The following CACNA1H variants were observed in gnomAD, a reference collection of about 807,000 sequenced individuals.
The protein encoded by CACNA1H is voltage-dependent T-type calcium channel subunit alpha-1H.
CACNA1H carries 149 observed loss-of-function variants against 192.5 expected under a neutral mutation model. That is an observed-to-expected ratio of 0.77 (90% CI 0.68 to 0.89). CACNA1H has a LOEUF of 0.89. Among genes scored for constraint, CACNA1H ranks in the 40% least tolerant of loss-of-function variants. The pLI, the probability that CACNA1H is intolerant of heterozygous loss-of-function variation, is 0.00. For synonymous variants in CACNA1H, 2,202 were observed against 1,475.2 expected, an observed-to-expected ratio of 1.49 and a Z score of -11.29; for missense variants, 4,257 against 3,423.5, an observed-to-expected ratio of 1.24 and a Z score of -6.08.
intron 2 of CACNA1H, among the ~76,000 whole-genome samples, 193 bp downstream of exon 2, chr16:1,154,229 G>A (rs1961983635): frequency 6.6e-6 from 1 of 151,754 alleles, no homozygotes; most frequent in African/African-American, 2.4e-5. Context: ...GGCTTGGGGG[G>A]CCACCGGGCG....
intron 2 of CACNA1H, among the ~76,000 whole-genome samples, chr16:1,184,108 G>T (rs1232100899): frequency 6.6e-6 from 1 of 152,214 alleles, no homozygotes; most frequent in African/African-American, 2.4e-5. Context: ...ATTGCACAGG[G>T]TGTAGGCGGG....
rs370079169 is a variant in CACNA1H at position 1,213,792 on chromosome 16, G to A, written c.4790G>A (p.Arg1597Gln). 1.8e-4 allele frequency: 277 copies of A among 1,563,454 alleles called. No homozygotes were observed. Among genetic ancestry groups the A allele is most frequent in the African/African-American group, 1.1e-4 (8 of 73,772 alleles). Residue 1597 changes from arginine (R) to glutamine (Q), a missense_variant, in exon 27 of 35, where the codon CGG becomes CAG. Arg to Gln is a conservative substitution (Grantham distance 43). Transcript: ENST00000348261. ...GCCCTCCCCGCAGAGGCCCAGCGCCGGCCCTACTATGCCGACTACTCGCCC... is the reference window on the plus strand; with the variant it reads ...GCCCTCCCCGCAGAGGCCCAGCGCCAGCCCTACTATGCCGACTACTCGCCC... ...STFPSPEAQR[R>Q]PYYADYSPTR... is the part of the protein sequence containing the mutation.
intron 2 of CACNA1H, among the ~76,000 whole-genome samples, chr16:1,156,282 G>A (rs777627844): frequency 1.4e-4 from 22 of 152,252 alleles, no homozygotes; most frequent in Non-Finnish European, 2.4e-4. Flanking sequence ...TCTTGGCCCC[G>A]TGGAAACGCC....
Position 1,185,399 on chromosome 16 carries a change from C to T in CACNA1H, c.300-9573C>T, listed in dbSNP as rs550498532. Among the ~76,000 whole-genome samples the T allele has an allele frequency of 1.5e-3, 228 of 151,950 alleles. 2 individuals are homozygous for T. Among genetic ancestry groups the T allele is most frequent in the Admixed American group, 2.5e-3 (38 of 15,262 alleles). On this transcript the variant is annotated intron_variant, in intron 2 of 34. Coordinates refer to ENST00000348261, the MANE Select transcript of CACNA1H (RefSeq NM_021098.3). ...TTCATAGCCTCACCCACCGGTTATC[C>T]GGAGCTTAGACGTGCCCGGGTGGCA...
At chr16:1,200,145 C>A in intron 6 of CACNA1H, 111 bp from the exon 7 acceptor site, 1 of 880,324 alleles carries the variant, frequency 1.1e-6, no homozygotes. Context: ...CTGGCCCTGA[C>A]CCTGATCACG....
intron 30 of CACNA1H, 33 bp downstream of exon 30, chr16:1,215,626 C>T (rs1227091693): frequency 2.5e-6 from 4 of 1,581,496 alleles, no homozygotes; most frequent in Non-Finnish European, 3.4e-6. Context: ...TCAGCGCAGG[C>T]CCCCGGAAGA....
At chr16:1,163,313 A>C (rs1324387101) in intron 2 of CACNA1H, among the ~76,000 whole-genome samples, 1 of 152,178 alleles carries the variant, frequency 6.6e-6, no homozygotes, top group Non-Finnish European at 1.5e-5. Flanking sequence ...CAGTTGGAGC[A>C]GGGCCTGGGA....
Position 1,218,200 on chromosome 16 carries a change from C to G in CACNA1H, c.5446-10C>G, listed in dbSNP as rs1184041228. 6.5e-7 allele frequency: 1 copy of G among 1,546,300 alleles called. No individual in the cohort carries two copies. The highest frequency in any genetic ancestry group is 2.0e-5 in the Admixed American group (1 of 50,950). Reference sequence around the variant, plus strand: ...TGTGGACCCCGGCCCACAGCTGTCCCCCACCGCAGGACACGCTGCGCGAGT... The same window carrying G: ...TGTGGACCCCGGCCCACAGCTGTCCGCCACCGCAGGACACGCTGCGCGAGT... On this transcript the variant is annotated splice_polypyrimidine_tract_variant and intron_variant, in intron 32 of 34. Transcript: ENST00000348261.
chr16:1,174,042 C>A (rs1356844553), intron 2 of CACNA1H, among the ~76,000 whole-genome samples: 1 of 152,242 alleles, frequency 6.6e-6, no homozygotes, highest in Non-Finnish European at 1.5e-5. Flanking sequence ...TGGAAGTTGA[C>A]CTGTGCATAC....
At chr16:1,170,761 G>A (rs1332858940) in intron 2 of CACNA1H, among the ~76,000 whole-genome samples, 4 of 152,170 alleles carry the variant, frequency 2.6e-5, no homozygotes, top group Non-Finnish European at 4.4e-5. Flanking sequence ...GGAGGAAGAG[G>A]CCAGGAGACC....
intron 2 of CACNA1H, among the ~76,000 whole-genome samples, chr16:1,182,634 C>G (rs187600051): frequency 1.9e-3 from 287 of 152,294 alleles, no homozygotes; most frequent in African/African-American, 6.6e-3. Context: ...GAGGGGCTCC[C>G]ACATCGGGGG....
Position 1,215,583 on chromosome 16 carries a change from C to G in CACNA1H, c.5234C>G (p.Ala1745Gly). Residue 1745 changes from alanine to glycine, a missense_variant, in exon 30 of 35, where the codon GCT becomes GGT. Transcript: ENST00000348261. ...GCCCTGCTGGACACTGTGGTGCAAG[C>G]TCTCCCCCAGGTAGGTGGAGCCCGC... Reference protein sequence around the residue: ...MRALLDTVVQALPQVGNLGLL... With the variant: ...MRALLDTVVQGLPQVGNLGLL... 6.2e-7 allele frequency: 1 copy of G among 1,611,422 alleles called. No homozygotes were observed. The highest frequency in any genetic ancestry group is 1.1e-5 in the South Asian group (1 of 90,786).
At position 1,205,136 on chromosome 16, in the gene CACNA1H, T is replaced by G. The variant is rs1196659972; in HGVS notation, c.2474T>G (p.Leu825Arg). Residue 825 changes from leucine (L) to arginine (R), a missense_variant, in exon 11 of 35, where the codon CTG (leucine) becomes CGG (arginine). Coordinates refer to ENST00000348261, the MANE Select transcript of CACNA1H (RefSeq NM_021098.3). ...HEQPEELTNA[L>R]EISNIVFTSM... ...CAGCCCGAGGAGCTGACTAATGCTC[T>G]GGAGATCAGCAACATCGTGTTCACC... The G allele has an allele frequency of 1.2e-6, 2 of 1,612,462 alleles. No individual in the cohort carries two copies. The highest frequency in any genetic ancestry group is 1.7e-6 in the Non-Finnish European group (2 of 1,179,764).
rs762527626 is a variant in CACNA1H at position 1,220,126 on chromosome 16, C to A, written c.6194C>A (p.Ala2065Asp). The A allele has an allele frequency of 1.3e-6, 2 of 1,494,184 alleles. No individual in the cohort carries two copies. The highest frequency in any genetic ancestry group is 1.8e-6 in the Non-Finnish European group (2 of 1,123,616). The allele number at this position is 1,494,184 out of a possible 1,614,324, so 92.6% of individuals were successfully genotyped here. A position where few individuals can be genotyped will look rare whatever the true frequency, so the allele number is the denominator to read the frequency against. ...LQSPPRSPRP[A>D]SVRTRKHTFG... Reference sequence around the variant, plus strand: ...TCCCCACCACGCTCCCCACGGCCCGCCAGCGTCCGCACTCGTAAGCATACC... The same window carrying A: ...TCCCCACCACGCTCCCCACGGCCCGACAGCGTCCGCACTCGTAAGCATACC... The change falls in exon 35 of 35, where the codon GCC (alanine) becomes GAC (aspartate). Residue 2065 changes from alanine to aspartate, a missense_variant. By Grantham distance (126) the Ala-to-Asp change is moderately radical. Coordinates refer to ENST00000348261, the MANE Select transcript of CACNA1H (RefSeq NM_021098.3).
intron 6 of CACNA1H, 161 bp downstream of exon 6, chr16:1,198,935 TCC>T (rs1967345518): frequency 9.5e-6 from 6 of 632,802 alleles, no homozygotes; most frequent in Non-Finnish European, 1.3e-5. Flanking sequence ...CCATGCTGTC[TCC>T]CGCCCCCACC....
chr16:1,160,835 C>T (rs891038573), intron 2 of CACNA1H, among the ~76,000 whole-genome samples: 10 of 152,208 alleles, frequency 6.6e-5, no homozygotes, highest in African/African-American at 1.9e-4. Flanking sequence ...CCGCCGCCTG[C>T]GTTTGGAGGC....
At chr16:1,169,350 C>T (rs554601709) in intron 2 of CACNA1H, among the ~76,000 whole-genome samples, 31 of 152,336 alleles carry the variant, frequency 2.0e-4, no homozygotes, top group African/African-American at 7.0e-4. Context: ...GCAGAACCCC[C>T]GACCTGCCCT....
At chr16:1,192,492 G>A (rs1313272497) in intron 2 of CACNA1H, among the ~76,000 whole-genome samples, 1 of 152,212 alleles carries the variant, frequency 6.6e-6, no homozygotes, top group African/African-American at 2.4e-5. Flanking sequence ...GTCCCCATTG[G>A]GCCCTCCGCC....
At chr16:1,178,679 A>G (rs753045831) in intron 2 of CACNA1H, among the ~76,000 whole-genome samples, 56 of 152,074 alleles carry the variant, frequency 3.7e-4, no homozygotes, top group Non-Finnish European at 6.6e-4. Context: ...AAGGGGCCAC[A>G]CTGTCCCTCG....
Sources: gnomAD v4.1 joint callset for allele counts (sites outside exome capture counted in the v4.1 genomes callset) on GRCh38, gnomAD v4.1.1 for gene constraint, MANE v1.5 for transcripts, NCBI Gene and HGNC (gene_info 2026-07-23, HGNC 2026-07-21) for gene names.